The following SBF2 variants were observed in gnomAD, a reference collection of about 807,000 sequenced individuals.
SBF2 encodes SET binding factor 2, also known as myotubularin-related protein 13.
A neutral mutation model predicts 225.2 loss-of-function variants in SBF2; 112 were observed. The observed-to-expected ratio is 0.50, with a 90% CI of 0.43 to 0.58. The LOEUF is 0.58. SBF2 is among the 20% of genes least tolerant of loss of function. SBF2 has a pLI of 0.00. For synonymous variants in SBF2, 763 were observed against 773.3 expected (o/e 0.99, Z 0.22); for missense variants, 1,996 against 2,206.2 (o/e 0.90, Z 1.91).
At chr11:10,190,675 C>T (rs200727379) in intron 2 of SBF2, among the ~76,000 whole-genome samples, 1 of 152,046 alleles carries the variant, frequency 6.6e-6, no homozygotes, top group East Asian at 1.9e-4. Context: ...TATGTGTTCC[C>T]TGGGAAGGAG....
At chr11:10,182,814 G>A (rs12291188) in intron 2 of SBF2, among the ~76,000 whole-genome samples, 3,116 of 150,776 alleles carry the variant, frequency 0.021, 85 homozygotes, top group African/African-American at 0.062. Flanking sequence ...TTGCTCTGTC[G>A]CCAGGCTGGA....
intron 38 of SBF2, among the ~76,000 whole-genome samples, chr11:9,783,260 T>G (rs1852153764): frequency 6.6e-6 from 1 of 152,256 alleles, no homozygotes; most frequent in South Asian, 2.1e-4. Context: ...TTTGTATATT[T>G]GAACATAAAT....
At chr11:9,913,187 G>A (rs534401021) in intron 16 of SBF2, among the ~76,000 whole-genome samples, 1 of 152,214 alleles carries the variant, frequency 6.6e-6, no homozygotes, top group Non-Finnish European at 1.5e-5. Context: ...AGGAGGTTGA[G>A]GTGGGAGGAC....
intron 13 of SBF2, among the ~76,000 whole-genome samples, chr11:9,975,143 T>C (rs1348094934): frequency 1.3e-5 from 2 of 152,148 alleles, no homozygotes; most frequent in African/African-American, 2.4e-5. Context: ...TTACCATATA[T>C]TCCAGCCTCC....
At chr11:9,895,198 T>C (rs182036449) in intron 17 of SBF2, among the ~76,000 whole-genome samples, 2 of 152,198 alleles carry the variant, frequency 1.3e-5, no homozygotes, top group Non-Finnish European at 2.9e-5. Context: ...AGAAACAGTA[T>C]GGCAGTTACC....
chr11:10,213,278 A>G (rs1958008739), intron 1 of SBF2, among the ~76,000 whole-genome samples: 1 of 152,158 alleles, frequency 6.6e-6, no homozygotes, highest in African/African-American at 2.4e-5. Context: ...CCAGCTGCAC[A>G]AAATAAATCC....
intron 1 of SBF2, among the ~76,000 whole-genome samples, chr11:10,272,907 T>A (rs1337216251): frequency 6.6e-6 from 1 of 151,946 alleles, no homozygotes; most frequent in Admixed American, 6.5e-5. Flanking sequence ...TCATCTCTAC[T>A]AATAATACAA....
chr11:10,253,118 C>CAAAAAAAAAAAAAAAAA (rs546522229), intron 1 of SBF2, among the ~76,000 whole-genome samples: 1 of 77,290 alleles, frequency 1.3e-5, no homozygotes. Context: ...AGGTAAATAC[C>CAAAAAAAAAAAAAAAAA]AAAAAAAAAA....
chr11:10,247,274 A>G (rs1959894952), intron 1 of SBF2, among the ~76,000 whole-genome samples: 1 of 152,194 alleles, frequency 6.6e-6, no homozygotes, highest in Non-Finnish European at 1.5e-5. Flanking sequence ...AAACGAAATC[A>G]AGCAAACTAC....
chr11:10,228,714 C>T (rs920524062), intron 1 of SBF2, among the ~76,000 whole-genome samples: 5 of 152,102 alleles, frequency 3.3e-5, no homozygotes, highest in Non-Finnish European at 5.9e-5. Context: ...CTGCTGGATT[C>T]GGTTTGCCAG....
chr11:10,095,071 T>C (rs1431972478), intron 2 of SBF2, among the ~76,000 whole-genome samples: 1 of 151,890 alleles, frequency 6.6e-6, no homozygotes, highest in Non-Finnish European at 1.5e-5. Flanking sequence ...TATACAGGTA[T>C]GCACCACCAT....
chr11:9,950,401 G>C (rs1360186848), intron 16 of SBF2, among the ~76,000 whole-genome samples: 9 of 152,156 alleles, frequency 5.9e-5, no homozygotes, highest in Non-Finnish European at 4.4e-5. Flanking sequence ...AACATCTGAT[G>C]ATGGGGCTCA....
intron 2 of SBF2, among the ~76,000 whole-genome samples, chr11:10,094,940 A>T (rs1455982466): frequency 6.6e-6 from 1 of 152,012 alleles, no homozygotes; most frequent in Non-Finnish European, 1.5e-5. Flanking sequence ...ACACAATCAC[A>T]TTTTTAAACA....
chr11:10,111,514 T>C (rs1470660513), intron 2 of SBF2, among the ~76,000 whole-genome samples: 1 of 152,252 alleles, frequency 6.6e-6, no homozygotes, highest in Non-Finnish European at 1.5e-5. Flanking sequence ...TCAACAACAC[T>C]AGAGCCTTAA....
rs116619316 is a variant in SBF2, at chr11:10,223,756, A to C, written c.56-29769T>G. 6.7e-3 allele frequency among the ~76,000 whole-genome samples: 1,026 copies of C among 152,096 alleles called. 10 individuals carry two copies. The highest frequency in any genetic ancestry group is 0.023 in the African/African-American group (972 of 41,506). On this transcript the variant is annotated intron_variant, in intron 1 of 39. Transcript: ENST00000256190. ...CAACTAAACATGATGAAAAATAATC[A>C]AGAGTGAGAATTTTTAACTATCGTA...
chr11:10,292,722 G>C (rs1174288191), intron 1 of SBF2, among the ~76,000 whole-genome samples: 1 of 151,410 alleles, frequency 6.6e-6, no homozygotes, highest in African/African-American at 2.4e-5. Context: ...GGGAGGGGGG[G>C]AGGCGGAACA....
intron 3 of SBF2, among the ~76,000 whole-genome samples, chr11:10,039,474 A>C (rs1290849309): frequency 1.3e-5 from 2 of 151,934 alleles, no homozygotes; most frequent in Non-Finnish European, 2.9e-5. Context: ...ACAATTATAT[A>C]GAATCCGGAA....
chr11:9,827,267 C>T (rs1855124931), intron 28 of SBF2, among the ~76,000 whole-genome samples: 1 of 152,168 alleles, frequency 6.6e-6, no homozygotes, highest in Admixed American at 6.5e-5. Context: ...CTTTCTCACG[C>T]CTGTAATCCC....
intron 2 of SBF2, among the ~76,000 whole-genome samples, chr11:10,170,243 A>G (rs766200995): frequency 1.1e-4 from 16 of 152,148 alleles, no homozygotes; most frequent in Non-Finnish European, 2.2e-4. Context: ...GTTTTCATGT[A>G]GTAATGTCAT....
Sources: allele counts gnomAD v4.1 joint callset (sites outside exome capture counted in the v4.1 genomes callset), GRCh38; gene constraint gnomAD v4.1.1; transcripts MANE v1.5; gene names NCBI Gene and HGNC (gene_info 2026-07-23, HGNC 2026-07-21).